The following CABLES1 variants were observed in gnomAD, a reference collection of about 807,000 sequenced individuals.
CABLES1 encodes the protein CDK5 and ABL1 enzyme substrate 1.
In CABLES1, 36 loss-of-function variants were observed where a neutral mutation model predicts 57.8. That is an observed-to-expected ratio of 0.62 (90% confidence interval 0.48 to 0.82). CABLES1 has a LOEUF of 0.82. Ranked by LOEUF, CABLES1 falls within the 40% of genes least tolerant of loss-of-function variation. CABLES1 has a pLI of 0.00. For missense variants in CABLES1, 767 were observed against 836.6 expected, an observed-to-expected ratio of 0.92 and a Z score of 1.03; for synonymous variants, 374 against 363.0, an observed-to-expected ratio of 1.03 and a Z score of -0.35.
chr18:23,200,515 G>C (rs1465690298), intron 3 of CABLES1, among the ~76,000 whole-genome samples: 1 of 152,096 alleles, frequency 6.6e-6, no homozygotes, highest in African/African-American at 2.4e-5. Context: ...GCCCGCCTTG[G>C]CCTCCCAAAG....
At chr18:23,217,568 G>A (rs754850425) in intron 4 of CABLES1, among the ~76,000 whole-genome samples, 2 of 152,150 alleles carry the variant, frequency 1.3e-5, no homozygotes, top group Non-Finnish European at 2.9e-5. Flanking sequence ...ACTTTTCAAT[G>A]AGCAGACATT....
intron 4 of CABLES1, among the ~76,000 whole-genome samples, chr18:23,217,296 T>C (rs1213592489): frequency 6.6e-6 from 1 of 152,184 alleles, no homozygotes; most frequent in African/African-American, 2.4e-5. Context: ...TTGCCCAGAC[T>C]GGTCTCAAAC....
At chr18:23,173,757 GTTC>G (rs1162148176) in intron 1 of CABLES1, among the ~76,000 whole-genome samples, 1 of 152,208 alleles carries the variant, frequency 6.6e-6, no homozygotes, top group Non-Finnish European at 1.5e-5. Flanking sequence ...GCGCTCAAGA[GTTC>G]AAGACTGTCC....
intron 3 of CABLES1, among the ~76,000 whole-genome samples, chr18:23,200,080 G>T (rs1037787203): frequency 3.9e-5 from 6 of 152,166 alleles, no homozygotes; most frequent in Middle Eastern, 3.2e-3. Context: ...GCAAGTGTTT[G>T]TTGAATAAAC....
chr18:23,251,335 C>T (rs540463832), intron 7 of CABLES1, among the ~76,000 whole-genome samples: 1 of 152,266 alleles, frequency 6.6e-6, no homozygotes, highest in South Asian at 2.1e-4. Context: ...CCTGTAGTTC[C>T]AGCTACTCGG....
rs528345090 is a variant in CABLES1, at chr18:23,160,309, G to A, written c.845+23702G>A. The stretch of plus-strand genomic sequence containing the variant: ...CTCCCAAAGTGCTGGGATTACAGGC[G>A]TGAGCCACCGCGCCTAGCCGTGTTG... On this transcript the variant is annotated intron_variant, in intron 1 of 9. Transcript: ENST00000256925. Among the ~76,000 whole-genome samples, 4 of 152,266 alleles carry A rather than the reference G, an allele frequency of 2.6e-5. No individual in the cohort carries two copies. In the East Asian group the frequency reaches 7.7e-4, roughly 29 times the overall value.
chr18:23,140,217 G>A (rs1484021521), intron 1 of CABLES1, among the ~76,000 whole-genome samples: 1 of 152,106 alleles, frequency 6.6e-6, no homozygotes, highest in Admixed American at 6.6e-5. Context: ...TAGGTGAAAG[G>A]GAGTGTGAAT....
At position 23,257,868 on chromosome 18, in the gene CABLES1, G is replaced by C. The variant is rs1175161152; in HGVS notation, c.*501G>C. 1.3e-5 allele frequency: 2 copies of C among 152,806 alleles called. No individual in the cohort carries two copies. Among genetic ancestry groups the C allele is most frequent in the African/African-American group, 4.8e-5 (2 of 41,442 alleles). 9.5% of individuals were successfully genotyped at this position (152,806 alleles called of 1,614,324 possible). A position where few individuals can be genotyped will look rare whatever the true frequency, so the allele number is the denominator to read the frequency against. On this transcript the variant is annotated 3_prime_UTR_variant, in exon 10 of 10. Transcript: ENST00000256925. ...AAGTGCACTTTCCCCTGGGGCGTGTGGGTGTGTGAATGTGCAAGTGTCTGA... is the reference window on the plus strand; with the variant it reads ...AAGTGCACTTTCCCCTGGGGCGTGTCGGTGTGTGAATGTGCAAGTGTCTGA...
chr18:23,215,288 G>A (rs994762451), intron 4 of CABLES1, among the ~76,000 whole-genome samples: 4 of 152,176 alleles, frequency 2.6e-5, no homozygotes, highest in Non-Finnish European at 5.9e-5. Context: ...CCTACCTGCT[G>A]TGGCCCCGGG....
At chr18:23,245,380 G>A (rs577993678) in intron 7 of CABLES1, among the ~76,000 whole-genome samples, 18 of 152,046 alleles carry the variant, frequency 1.2e-4, no homozygotes, top group African/African-American at 4.1e-4. Context: ...GCGTGGTGGC[G>A]TGCACCTGTA....
chr18:23,177,335 C>A (rs2047131033), intron 1 of CABLES1, among the ~76,000 whole-genome samples: 1 of 151,640 alleles, frequency 6.6e-6, no homozygotes, highest in South Asian at 2.1e-4. Context: ...CTTGCTCACC[C>A]ATGTAAGCCC....
intron 1 of CABLES1, among the ~76,000 whole-genome samples, 174 bp downstream of exon 1, chr18:23,136,781 C>G (rs966460891): frequency 6.6e-6 from 1 of 152,226 alleles, no homozygotes; most frequent in African/African-American, 2.4e-5. Context: ...GAGGGGGCGT[C>G]CCCAGGGAGT....
At chr18:23,161,457 G>C (rs1357022941) in intron 1 of CABLES1, among the ~76,000 whole-genome samples, 1 of 150,890 alleles carries the variant, frequency 6.6e-6, no homozygotes, top group Non-Finnish European at 1.5e-5. Flanking sequence ...CTCCCAGGGT[G>C]GGCTCCCTCT....
chr18:23,195,206 C>T (rs2047273433), intron 3 of CABLES1, among the ~76,000 whole-genome samples: 1 of 152,180 alleles, frequency 6.6e-6, no homozygotes, highest in Non-Finnish European at 1.5e-5. Context: ...GATTGGATGG[C>T]TAAGTCCATT....
intron 1 of CABLES1, among the ~76,000 whole-genome samples, chr18:23,146,039 C>A (rs538488068): frequency 4.6e-5 from 7 of 152,328 alleles, no homozygotes; most frequent in African/African-American, 1.7e-4. Context: ...AAAAACCATT[C>A]AACCAGATAC....
chr18:23,257,550 C>T lies in CABLES1; in HGVS notation c.*183C>T. Reference sequence around the variant, plus strand: ...GTCTTGGGTGTGTAGCCAAGAGGAGCCATGAGCTATGGACTCCTCAAGCAC... The same window carrying T: ...GTCTTGGGTGTGTAGCCAAGAGGAGTCATGAGCTATGGACTCCTCAAGCAC... On this transcript the variant is annotated 3_prime_UTR_variant, in exon 10 of 10. Coordinates refer to ENST00000256925, the MANE Select transcript of CABLES1 (RefSeq NM_001100619.3). 1 of 618,736 alleles carries T rather than the reference C, an allele frequency of 1.6e-6. No individual in the cohort carries two copies. Among genetic ancestry groups the T allele is most frequent in the Non-Finnish European group, 2.6e-6 (1 of 380,678 alleles). The allele number at this position is 618,736 out of a possible 1,614,324, so 38.3% of individuals were successfully genotyped here. A position where few individuals can be genotyped will look rare whatever the true frequency, so the allele number is the denominator to read the frequency against.
chr18:23,150,211 T>G lies in CABLES1; in HGVS notation c.845+13604T>G, dbSNP rs954961299. On this transcript the variant is annotated intron_variant, in intron 1 of 9. Coordinates refer to ENST00000256925, the MANE Select transcript of CABLES1 (RefSeq NM_001100619.3). ...AGGTCATAGTAGTTGGTGTTTGTTTTTTTTTTTTTTTTTTTGAGACGGAGT... is the reference window on the plus strand; with the variant it reads ...AGGTCATAGTAGTTGGTGTTTGTTTGTTTTTTTTTTTTTTTGAGACGGAGT... Among the ~76,000 whole-genome samples the G allele has an allele frequency of 3.9e-4, 55 of 141,994 alleles. 2 individuals carry two copies. The highest frequency in any genetic ancestry group is 1.3e-3 in the African/African-American group (49 of 36,936). 93.2% of individuals were successfully genotyped at this position (141,994 alleles called of 152,430 possible).
chr18:23,218,731 C>T (rs1477760802), intron 4 of CABLES1, among the ~76,000 whole-genome samples: 2 of 152,222 alleles, frequency 1.3e-5, no homozygotes, highest in African/African-American at 4.8e-5. Context: ...AACTTGAACA[C>T]TGATTGTGGA....
At chr18:23,210,979 A>T (rs1267121366) in intron 3 of CABLES1, among the ~76,000 whole-genome samples, 1 of 152,100 alleles carries the variant, frequency 6.6e-6, no homozygotes, top group Non-Finnish European at 1.5e-5. Flanking sequence ...GTCCATATTC[A>T]TAGTTGCTAA....
Sources: gnomAD v4.1 joint callset for allele counts (sites outside exome capture counted in the v4.1 genomes callset) on GRCh38, gnomAD v4.1.1 for gene constraint, MANE v1.5 for transcripts, NCBI Gene and HGNC (gene_info 2026-07-23, HGNC 2026-07-21) for gene names.